The following MRPL32 variants were observed in gnomAD, a reference collection of about 807,000 sequenced individuals.
MRPL32 encodes mitochondrial ribosomal protein L32, also known as large ribosomal subunit protein bL32m.
A neutral mutation model predicts 21.7 loss-of-function variants in MRPL32; 14 were observed. That is an observed-to-expected ratio of 0.64 (90% CI 0.43 to 1.01). The LOEUF is 1.01. Among genes scored for constraint, MRPL32 ranks in the 50% least tolerant of loss-of-function variants. The pLI is 0.00. For synonymous variants in MRPL32, 83 were observed against 87.7 expected (o/e 0.95, Z 0.30); for missense variants, 211 against 235.9 (o/e 0.89, Z 0.69).
chr7:42,932,667 GA>G (rs1386629835), intron 1 of MRPL32, 151 bp downstream of exon 1: 3 of 641,032 alleles, frequency 4.7e-6, no homozygotes, highest in Non-Finnish European at 6.7e-6. Flanking sequence ...ATATTAGCGA[GA>G]ACAGAACGAC....
At position 42,937,393 on chromosome 7, in the gene MRPL32, A is replaced by G; in HGVS notation, c.384A>G (p.Glu128=). The part of the protein sequence containing the change: ...QKHVLCAYCY[E]KVCKETAEIR... ...ATGTCCTTTGTGCCTACTGCTATGA[A>G]AAGGTGTGCAAGGAGACTGCAGAAA... is the stretch of plus-strand genomic sequence containing the variant. The change falls in exon 3 of 3, where the codon GAA becomes GAG. Residue 128 remains glutamate (E), a synonymous_variant. Transcript: ENST00000223324. 1 of 1,614,224 alleles carries G rather than the reference A, an allele frequency of 6.2e-7. No homozygotes were observed. Among genetic ancestry groups the G allele is most frequent in the Non-Finnish European group, 8.5e-7 (1 of 1,180,048 alleles).
At chr7:42,932,628 A>G in intron 1 of MRPL32, 112 bp downstream of exon 1, 3 of 1,202,322 alleles carry the variant, frequency 2.5e-6, no homozygotes, top group Non-Finnish European at 2.2e-6. Context: ...CCGCGGCCTC[A>G]TGTCGGGGAC....
chr7:42,932,902 G>C (rs1786353606), intron 1 of MRPL32, among the ~76,000 whole-genome samples: 1 of 152,188 alleles, frequency 6.6e-6, no homozygotes, highest in Admixed American at 6.5e-5. Flanking sequence ...GGGAGAATGA[G>C]CGAGGCGGGA....
At position 42,937,783 on chromosome 7, in the gene MRPL32, C is replaced by A; in HGVS notation, c.*207C>A. 1 of 438,486 alleles carries A rather than the reference C, an allele frequency of 2.3e-6. No homozygotes were observed. The highest frequency in any genetic ancestry group is 4.0e-6 in the Non-Finnish European group (1 of 251,334). 27.2% of individuals were successfully genotyped at this position (438,486 alleles called of 1,614,324 possible). On this transcript the variant is annotated 3_prime_UTR_variant, in exon 3 of 3. Transcript: ENST00000223324. The stretch of plus-strand genomic sequence containing the variant: ...TCCAAAGGCTCAATGGATTATGTTT[C>A]TATTATATACAAGGTTTTAAGTAAA...
chr7:42,932,430 C>G lies in MRPL32; in HGVS notation c.44C>G (p.Ala15Gly). The G allele has an allele frequency of 4.3e-6, 7 of 1,610,726 alleles. No individual in the cohort carries two copies. The highest frequency in any genetic ancestry group is 1.7e-5 in the Admixed American group (1 of 59,864). The change falls in exon 1 of 3, where the codon GCG (alanine) becomes GGG (glycine). Residue 15 changes from alanine (A) to glycine (G), a missense_variant. Coordinates refer to ENST00000223324, the MANE Select transcript of MRPL32 (RefSeq NM_031903.3). ...GTCTTGGTGGTTTCGCCGTGGTCTG[C>G]GGCCCGGGGAGTGCTTCGAAACTAC... is the stretch of plus-strand genomic sequence containing the variant. Reference protein sequence around the residue: ...MLVLVVSPWSAARGVLRNYWE... With the variant: ...MLVLVVSPWSGARGVLRNYWE...
Position 42,937,369 on chromosome 7 carries a change from T to C in MRPL32, c.360T>C (p.His120=), listed in dbSNP as rs143116383. ...CPECGHLKQK[H]VLCAYCYEKV... Reference sequence around the variant, plus strand: ...AATGTGGTCACCTGAAACAGAAACATGTCCTTTGTGCCTACTGCTATGAAA... The same window carrying C: ...AATGTGGTCACCTGAAACAGAAACACGTCCTTTGTGCCTACTGCTATGAAA... Residue 120 remains histidine (H), a synonymous_variant, in exon 3 of 3, where the codon CAT becomes CAC. Coordinates refer to ENST00000223324, the MANE Select transcript of MRPL32 (RefSeq NM_031903.3). The C allele has an allele frequency of 9.3e-6, 15 of 1,614,126 alleles. No individual in the cohort carries two copies. In the African/African-American group the frequency reaches 1.1e-4, roughly 11 times the overall value.
At chr7:42,935,600 A>G (rs568900904) in intron 2 of MRPL32, 10 of 153,084 alleles carry the variant, frequency 6.5e-5, no homozygotes, top group African/African-American at 2.4e-4. Context: ...AAACCCTAAG[A>G]TAAGTAATAT....
In MRPL32 at chr7:42,936,964, G is replaced by A. The variant is rs3735472; in HGVS notation, c.313-358G>A. On this transcript the variant is annotated intron_variant, in intron 2 of 2. Transcript: ENST00000223324. ...TTTTCCTTGGTGTCTTATTTAAGAT[G>A]CTGATTGTTTGGGTCACTTCATTAT... 25 of 350,904 alleles carry A rather than the reference G, an allele frequency of 7.1e-5. No homozygotes were observed. The East Asian group carries it at 1.8e-3, about 26-fold the overall frequency. 21.7% of individuals were successfully genotyped at this position (350,904 alleles called of 1,614,324 possible).
At chr7:42,933,827 C>T (rs1786375827) in intron 1 of MRPL32, among the ~76,000 whole-genome samples, 1 of 152,174 alleles carries the variant, frequency 6.6e-6, no homozygotes, top group African/African-American at 2.4e-5. Context: ...ACAGTAGGCT[C>T]ACAATGGTCC....
chr7:42,932,704 A>G (rs78349990), intron 1 of MRPL32, among the ~76,000 whole-genome samples, 188 bp downstream of exon 1: 1 of 7,222 alleles, frequency 1.4e-4, no homozygotes, highest in Admixed American at 1.5e-3. Context: ...TCCACCGCAA[A>G]AAAAAAAAAA....
rs1786446953 is a variant in MRPL32 at position 42,937,467 on chromosome 7, C to T, written c.458C>T (p.Thr153Ile). The T allele has an allele frequency of 6.2e-7, 1 of 1,614,024 alleles. No individual in the cohort carries two copies. ...KQEGGPFKAPTIETVVLYTGE... is the reference protein window; with the variant it reads ...KQEGGPFKAPIIETVVLYTGE... ...GAAGGGGGCCCTTTTAAGGCTCCCA[C>T]CATAGAGACTGTGGTGCTGTACACG... The change falls in exon 3 of 3, where the codon ACC becomes ATC. Residue 153 changes from threonine to isoleucine, a missense_variant. Around this residue, in one of 2 missense-constraint regions of MRPL32, gnomAD observed 130 missense variants for 180.1 expected, o/e 0.72. Transcript: ENST00000223324.
intron 1 of MRPL32, among the ~76,000 whole-genome samples, chr7:42,934,085 A>G (rs1309979931): frequency 6.6e-6 from 1 of 152,182 alleles, no homozygotes; most frequent in East Asian, 1.9e-4. Context: ...CCTGGCCAAC[A>G]TTGTGAAACC....
chr7:42,934,936 C>G lies in MRPL32; in HGVS notation c.131-19C>G, dbSNP rs1488907230. On this transcript the variant is annotated intron_variant, in intron 1 of 2. Coordinates refer to ENST00000223324, the MANE Select transcript of MRPL32 (RefSeq NM_031903.3). ...GAAGCTAGAAACTAATTCTGTATCT[C>G]TTATGTTTTATTTCCTAGGACCAGC... is the stretch of plus-strand genomic sequence containing the variant. 6.5e-7 allele frequency: 1 copy of G among 1,530,290 alleles called. No individual in the cohort carries two copies. Among genetic ancestry groups the G allele is most frequent in the Non-Finnish European group, 8.8e-7 (1 of 1,141,378 alleles). The allele number at this position is 1,530,290 out of a possible 1,614,324, so 94.8% of individuals were successfully genotyped here.
intron 1 of MRPL32, among the ~76,000 whole-genome samples, chr7:42,933,189 A>G (rs899454878): frequency 6.6e-6 from 1 of 152,152 alleles, no homozygotes; most frequent in African/African-American, 2.4e-5. Flanking sequence ...GGGACCTACT[A>G]TCGGGGTATG....
At chr7:42,935,497 C>T (rs1483476222) in intron 2 of MRPL32, 1 of 163,492 alleles carries the variant, frequency 6.1e-6, no homozygotes, top group Non-Finnish European at 1.3e-5. Flanking sequence ...AGAATTAAAG[C>T]TAGAAGCAGT....
intron 1 of MRPL32, among the ~76,000 whole-genome samples, chr7:42,932,734 TCCATTCGTACAC>T (rs1169081556): frequency 1.3e-4 from 20 of 151,266 alleles, no homozygotes; most frequent in Non-Finnish European, 2.4e-4. Context: ...CTCTGCTTGT[TCCATTCGTACAC>T]AGAATGTAAC....
intron 2 of MRPL32, chr7:42,936,459 A>G (rs1420121159): frequency 6.6e-6 from 1 of 152,176 alleles, no homozygotes; most frequent in African/African-American, 2.4e-5. Context: ...AGTAATATAC[A>G]AGCCTCTTTC....
At chr7:42,932,630 G>T in intron 1 of MRPL32, 114 bp downstream of exon 1, 1 of 1,189,948 alleles carries the variant, frequency 8.4e-7, no homozygotes, top group Non-Finnish European at 1.1e-6. Context: ...GCGGCCTCAT[G>T]TCGGGGACGT....
chr7:42,932,522 T>C lies in MRPL32; in HGVS notation c.130+6T>C, dbSNP rs1201664533. The stretch of plus-strand genomic sequence containing the variant: ...CTTTCCCAGTCCTCCGTGGGGTAGG[T>C]AAAGAAGGGCTCCGTGGGAGAGGGG... On this transcript the variant is annotated splice_donor_region_variant and intron_variant, in intron 1 of 2. Coordinates refer to ENST00000223324, the MANE Select transcript of MRPL32 (RefSeq NM_031903.3). The C allele has an allele frequency of 6.3e-7, 1 of 1,596,142 alleles. No homozygotes were observed. Among genetic ancestry groups the C allele is most frequent in the Non-Finnish European group, 8.6e-7 (1 of 1,167,954 alleles).
Sources: allele counts gnomAD v4.1 joint callset (sites outside exome capture counted in the v4.1 genomes callset), GRCh38; gene constraint gnomAD v4.1.1; regional missense constraint gnomAD v4.1.1; transcripts MANE v1.5; gene names NCBI Gene and HGNC (gene_info 2026-07-23, HGNC 2026-07-21).